The following R3HDM1 variants were observed in gnomAD, a reference collection of about 807,000 sequenced individuals.
R3HDM1 encodes the protein R3H domain-containing protein 1.
R3HDM1 carries 46 observed loss-of-function variants against 141.1 expected under a neutral mutation model. The observed-to-expected ratio is 0.33, with a 90% confidence interval of 0.26 to 0.42. R3HDM1 has a LOEUF of 0.42. Ranked by LOEUF, R3HDM1 falls within the 10% of genes least tolerant of loss-of-function variation. The pLI, the probability that R3HDM1 is intolerant of heterozygous loss-of-function variation, is 1.00. For synonymous variants in R3HDM1, 435 were observed against 472.9 expected, an observed-to-expected ratio of 0.92 and a Z score of 1.04; for missense variants, 1,184 against 1,368.3, an observed-to-expected ratio of 0.87 and a Z score of 2.12.
intron 1 of R3HDM1, among the ~76,000 whole-genome samples, chr2:135,589,557 T>G (rs1175251321): frequency 6.6e-6 from 1 of 152,130 alleles, no homozygotes; most frequent in Non-Finnish European, 1.5e-5. Context: ...ATATAATTTA[T>G]TTTTTCCAAA....
At chr2:135,664,035 A>C (rs937988396) in intron 19 of R3HDM1, among the ~76,000 whole-genome samples, 13 of 151,716 alleles carry the variant, frequency 8.6e-5, no homozygotes, top group African/African-American at 2.9e-4. Flanking sequence ...CTGTCTCAAA[A>C]AAAAAAAAAA....
At chr2:135,559,393 A>G (rs1701394869) in intron 1 of R3HDM1, among the ~76,000 whole-genome samples, 1 of 152,194 alleles carries the variant, frequency 6.6e-6, no homozygotes, top group South Asian at 2.1e-4. Context: ...CTGGGATTAC[A>G]GGCATGAGTC....
intron 19 of R3HDM1, among the ~76,000 whole-genome samples, chr2:135,666,343 T>C (rs150150010): frequency 6.6e-6 from 1 of 152,320 alleles, no homozygotes; most frequent in East Asian, 1.9e-4. Flanking sequence ...ACTGACAACT[T>C]TCAATCCAAG....
chr2:135,662,791 A>G lies in R3HDM1; in HGVS notation c.2152+1398A>G, dbSNP rs187319890. ...TACACTGGTGTTTTATTCAGAAACA[A>G]TTTTCTGAATTTTTCTGGACCTCAA... On this transcript the variant is annotated intron_variant, in intron 19 of 26. Coordinates refer to ENST00000683871, the MANE Select transcript of R3HDM1 (RefSeq NM_001378107.1). Among the ~76,000 whole-genome samples, 480 of 152,114 alleles carry G rather than the reference A, an allele frequency of 3.2e-3. 4 individuals are homozygous for G. The highest frequency in any genetic ancestry group is 0.011 in the African/African-American group (458 of 41,484).
Position 135,679,066 on chromosome 2 carries a change from CTTTTTTTTT to C in R3HDM1, c.2308-1086_2308-1078del, listed in dbSNP as rs141175748. 4.1e-4 allele frequency among the ~76,000 whole-genome samples: 29 copies of C among 70,580 alleles called. No homozygotes were observed. The South Asian group carries it at 0.014, about 34-fold the overall frequency. The allele number at this position is 70,580 out of a possible 152,430, so 46.3% of individuals were successfully genotyped here. ...GAGCCACTGTGCCCAGCCCGGCTTT[CTTTTTTTTT>C]TTTTTTTTTTTTTTTTTTTTAAATA... On this transcript the variant is annotated intron_variant, in intron 20 of 26. Coordinates refer to ENST00000683871, the MANE Select transcript of R3HDM1 (RefSeq NM_001378107.1).
intron 19 of R3HDM1, chr2:135,667,621 A>G (rs1178610262): frequency 1.0e-6 from 1 of 972,096 alleles, no homozygotes; most frequent in East Asian, 1.1e-4. Flanking sequence ...GTGAAGAAAG[A>G]ATAATTTATG....
intron 1 of R3HDM1, among the ~76,000 whole-genome samples, chr2:135,551,780 T>C (rs905520061): frequency 1.3e-5 from 2 of 152,224 alleles, no homozygotes; most frequent in African/African-American, 4.8e-5. Flanking sequence ...CTATAGCTTT[T>C]TAAATTTTTT....
At position 135,643,888 on chromosome 2, in the gene R3HDM1, A is replaced by C. The variant is rs151303939; in HGVS notation, c.1475-1491A>C. ...AGAAAACCAAATATCACACGTTCTC[A>C]CTTGTAAGTGGGAGCTAAATGCTGA... On this transcript the variant is annotated intron_variant, in intron 15 of 26. Transcript: ENST00000683871. Among the ~76,000 whole-genome samples, 33 of 152,354 alleles carry C rather than the reference A, an allele frequency of 2.2e-4. No homozygotes were observed. The East Asian group carries it at 6.0e-3, about 28-fold the overall frequency.
At chr2:135,558,338 C>T (rs1406263025) in intron 1 of R3HDM1, among the ~76,000 whole-genome samples, 3 of 152,148 alleles carry the variant, frequency 2.0e-5, no homozygotes, top group Non-Finnish European at 4.4e-5. Flanking sequence ...TGGTAGCTAC[C>T]TTATTAGACA....
At chr2:135,545,759 C>G (rs1698560556) in intron 1 of R3HDM1, among the ~76,000 whole-genome samples, 1 of 152,170 alleles carries the variant, frequency 6.6e-6, no homozygotes, top group African/African-American at 2.4e-5. Flanking sequence ...TGGGGGGACA[C>G]TTGTGACGTC....
At chr2:135,619,219 G>C (rs563459543) in intron 5 of R3HDM1, among the ~76,000 whole-genome samples, 10 of 152,202 alleles carry the variant, frequency 6.6e-5, no homozygotes, top group African/African-American at 2.4e-4. Context: ...TCATAAATCT[G>C]TTAATACAGA....
intron 20 of R3HDM1, among the ~76,000 whole-genome samples, chr2:135,675,706 T>C (rs1360814189): frequency 1.3e-5 from 2 of 152,242 alleles, no homozygotes; most frequent in Non-Finnish European, 2.9e-5. Flanking sequence ...TATTGCATTA[T>C]TCATTTATTA....
At chr2:135,601,843 G>A (rs2059642038) in intron 1 of R3HDM1, among the ~76,000 whole-genome samples, 2 of 151,898 alleles carry the variant, frequency 1.3e-5, no homozygotes, top group South Asian at 4.1e-4. Context: ...TTTAATTTTT[G>A]TAGAGATGGG....
intron 19 of R3HDM1, chr2:135,670,180 T>G: frequency 1.1e-4 from 30 of 272,546 alleles, no homozygotes; most frequent in East Asian, 1.8e-4. Context: ...GATTAGCTTG[T>G]GGTATCATTG....
rs1179841405 is a variant in R3HDM1, at chr2:135,635,991, A to G, written c.800A>G (p.Asp267Gly). 6.2e-6 allele frequency: 10 copies of G among 1,610,782 alleles called. No individual in the cohort carries two copies. Among genetic ancestry groups the G allele is most frequent in the Non-Finnish European group, 8.5e-6 (10 of 1,178,968 alleles). ...GATAACTCTAGCTTTGACAAAGATG[A>G]TAACCAGGTAATCTAGAACAATTGT... ...KRDNSSFDKDDNQMRIRLKDD... is the reference protein window; with the variant it reads ...KRDNSSFDKDGNQMRIRLKDD... Residue 267 changes from aspartate to glycine, a missense_variant, in exon 10 of 27, where the codon GAT (aspartate) becomes GGT (glycine). By Grantham distance (94) the Asp-to-Gly change is moderately conservative (BLOSUM62 -1). Coordinates refer to ENST00000683871, the MANE Select transcript of R3HDM1 (RefSeq NM_001378107.1).
intron 17 of R3HDM1, chr2:135,651,214 G>T: frequency 2.0e-6 from 2 of 985,086 alleles, no homozygotes; most frequent in Non-Finnish European, 2.4e-6. Context: ...AAGGACTGTA[G>T]TGGATTTTAT....
intron 1 of R3HDM1, among the ~76,000 whole-genome samples, chr2:135,573,078 G>A (rs1294776765): frequency 6.6e-6 from 1 of 152,100 alleles, no homozygotes; most frequent in African/African-American, 2.4e-5. Context: ...AATTGATTGT[G>A]ATTGTTACAT....
intron 9 of R3HDM1, among the ~76,000 whole-genome samples, chr2:135,632,583 A>G (rs986711574): frequency 6.6e-6 from 1 of 152,220 alleles, no homozygotes; most frequent in African/African-American, 2.4e-5. Context: ...ACGGAAGTAG[A>G]TCATCATTGC....
intron 9 of R3HDM1, chr2:135,633,942 A>C (rs1260861929): frequency 6.6e-6 from 1 of 152,198 alleles, no homozygotes; most frequent in South Asian, 2.1e-4. Context: ...TCACTTTGGA[A>C]TAGCAGTCTC....
Sources: allele counts gnomAD v4.1 joint callset (sites outside exome capture counted in the v4.1 genomes callset), GRCh38; gene constraint gnomAD v4.1.1; transcripts MANE v1.5; gene names NCBI Gene and HGNC (gene_info 2026-07-23, HGNC 2026-07-21).